Variants in KLF8 observed in about 807,000 individuals in gnomAD.
KLF8 encodes KLF transcription factor 8.
Under a neutral mutation model 18.2 loss-of-function variants are expected in KLF8, and 10 were observed. The ratio of observed to expected loss-of-function variants is 0.55; its 90% CI spans 0.34 to 0.93. The LOEUF (loss-of-function observed/expected upper bound fraction) is 0.93, where lower values mean the gene tolerates loss of function less well. Among genes scored for constraint, KLF8 ranks in the 40% least tolerant of loss-of-function variants. The probability of loss-of-function intolerance (pLI) is 0.02; values close to 1 mark genes in which losing one functional copy is unlikely to be tolerated. For synonymous variants in KLF8, 109 were observed against 97.3 expected, an observed-to-expected ratio of 1.12 and a Z score of -0.71; for missense variants, 264 against 277.9, an observed-to-expected ratio of 0.95 and a Z score of 0.36.
the KLF8 span, among the ~76,000 whole-genome samples, chrX:56,116,730 CTTTT>C: frequency 9.7e-6 from 1 of 103,041 alleles, no homozygotes; most frequent in African/African-American, 3.6e-5. Context: ...ACCGTATTTT[CTTTT>C]TTTGTGTGTA....
the KLF8 span, among the ~76,000 whole-genome samples, chrX:55,989,166 C>T: frequency 8.9e-6 from 1 of 111,824 alleles, no homozygotes; most frequent in African/African-American, 3.3e-5. Flanking sequence ...AATTTGACTT[C>T]CTCTTTTCCT....
At chrX:56,137,703 G>A in the KLF8 span, among the ~76,000 whole-genome samples, 1 of 107,324 alleles carries the variant, frequency 9.3e-6, no homozygotes, top group Admixed American at 1.0e-4. Context: ...GTATACATAT[G>A]TAACTAACCT....
the KLF8 span, among the ~76,000 whole-genome samples, chrX:55,972,157 T>C: frequency 8.9e-6 from 1 of 111,837 alleles, no homozygotes; most frequent in East Asian, 2.8e-4. Context: ...TGTCAACAGA[T>C]GAATGGATAA....
At chrX:55,996,842 C>A in the KLF8 span, among the ~76,000 whole-genome samples, 1 of 112,120 alleles carries the variant, frequency 8.9e-6, no homozygotes, top group Non-Finnish European at 1.9e-5. Context: ...CATCTGTTGG[C>A]AGCAGTGGCA....
chrX:56,253,764 C>CTTTTTCTTT (rs1445253255), intron 2 of KLF8, among the ~76,000 whole-genome samples: 2 of 60,115 alleles, frequency 3.3e-5, no homozygotes, highest in Non-Finnish European at 6.0e-5. Flanking sequence ...TTTTCTTTTT[C>CTTTTTCTTT]TTTTTTTTTT....
chrX:55,931,187 G>A, the KLF8 span, among the ~76,000 whole-genome samples: 3 of 111,791 alleles, frequency 2.7e-5, no homozygotes, highest in Non-Finnish European at 5.6e-5. Context: ...TTGCATAGAG[G>A]TGTTTGTAGT....
rs888268925 is a variant in KLF8 at position 56,290,953 on chromosome X, G to A, written c.*6459G>A. ...TCCTTTCCTAGAGTCGCTACAAGTA[G>A]CTGTGTTGGACATTACTTTATAACT... On this transcript the variant is annotated 3_prime_UTR_variant, in exon 6 of 6. Coordinates refer to ENST00000468660, the MANE Select transcript of KLF8 (RefSeq NM_007250.5). Among the ~76,000 whole-genome samples the A allele has an allele frequency of 9.0e-6, 1 of 111,131 alleles. No homozygotes were observed. The highest frequency in any genetic ancestry group is 9.6e-5 in the Admixed American group (1 of 10,405).
chrX:56,167,524 C>A, the KLF8 span, among the ~76,000 whole-genome samples: 9 of 112,043 alleles, frequency 8.0e-5, no homozygotes, highest in Non-Finnish European at 1.5e-4. Context: ...AAGAACATAT[C>A]ACTGTTAAGC....
At chrX:56,191,541 A>T in the KLF8 span, among the ~76,000 whole-genome samples, 3 of 111,895 alleles carry the variant, frequency 2.7e-5, no homozygotes, top group South Asian at 1.1e-3. Context: ...TATTGATGCA[A>T]AAATTCTCTA....
the KLF8 span, among the ~76,000 whole-genome samples, chrX:56,201,066 T>C: frequency 8.1e-5 from 9 of 111,681 alleles, no homozygotes; most frequent in Admixed American, 3.8e-4. Context: ...TCTCAAAAAA[T>C]TAAAAATAAA....
At chrX:56,052,857 C>T in the KLF8 span, among the ~76,000 whole-genome samples, 1 of 111,534 alleles carries the variant, frequency 9.0e-6, no homozygotes, top group Non-Finnish European at 1.9e-5. Context: ...GCGGGCACCC[C>T]TCCCCCAGCC....
At chrX:56,187,303 C>A in the KLF8 span, among the ~76,000 whole-genome samples, 7 of 111,775 alleles carry the variant, frequency 6.3e-5, no homozygotes, top group Admixed American at 5.7e-4. Flanking sequence ...AACACATACA[C>A]CCTCCCAAGA....
chrX:56,188,287 A>C, the KLF8 span, among the ~76,000 whole-genome samples: 2 of 111,569 alleles, frequency 1.8e-5, no homozygotes, highest in East Asian at 5.6e-4. Context: ...CAAAGAGAAT[A>C]AAATACCTAG....
the KLF8 span, among the ~76,000 whole-genome samples, chrX:56,145,841 G>C: frequency 1.8e-5 from 2 of 108,937 alleles, no homozygotes; most frequent in African/African-American, 6.8e-5. Context: ...CTAACATCCA[G>C]AATCTACAAA....
At chrX:56,047,018 T>C in the KLF8 span, among the ~76,000 whole-genome samples, 1 of 110,914 alleles carries the variant, frequency 9.0e-6, no homozygotes, top group Non-Finnish European at 1.9e-5. Context: ...GGTTTGGACA[T>C]TTAACATAGT....
At chrX:56,127,844 G>T in the KLF8 span, among the ~76,000 whole-genome samples, 1 of 111,615 alleles carries the variant, frequency 9.0e-6, no homozygotes, top group South Asian at 3.8e-4. Flanking sequence ...TATCTACAAA[G>T]TGTCTATGTT....
At chrX:56,203,940 G>GT in the KLF8 span, among the ~76,000 whole-genome samples, 3 of 111,268 alleles carry the variant, frequency 2.7e-5, no homozygotes, top group Non-Finnish European at 5.7e-5. Context: ...TTTTGGAATA[G>GT]TTTTTTCTAG....
the KLF8 span, among the ~76,000 whole-genome samples, chrX:56,123,253 AAAAGAAAGAAAGAAAGAAAAAG>A: frequency 1.1e-5 from 1 of 90,009 alleles, no homozygotes; most frequent in Admixed American, 1.2e-4. Flanking sequence ...AAAAGAAAGA[AAAAGAAAGAAAGAAAGAAAAAG>A]AAAGAAAGAA....
the KLF8 span, among the ~76,000 whole-genome samples, chrX:56,072,407 C>G: frequency 8.9e-6 from 1 of 111,738 alleles, no homozygotes; most frequent in South Asian, 3.7e-4. Context: ...ACCTGAGGAT[C>G]TGTTACCAGT....
Sources: allele counts gnomAD v4.1 joint callset (sites outside exome capture counted in the v4.1 genomes callset), GRCh38; gene constraint gnomAD v4.1.1; transcripts MANE v1.5; gene names NCBI Gene and HGNC (gene_info 2026-07-23, HGNC 2026-07-21).